DCDC1: variants seen among roughly 807,000 people sequenced by gnomAD.
The protein encoded by DCDC1 is doublecortin domain-containing protein 1.
Under a neutral mutation model 178.3 loss-of-function variants are expected in DCDC1, and 200 were observed. The ratio of observed to expected loss-of-function variants is 1.12; its 90% confidence interval spans 1.00 to 1.26. DCDC1 has a LOEUF of 1.26. DCDC1 is among the 50% of genes most tolerant of loss of function. The pLI is 0.00. For missense variants in DCDC1, 1,983 were observed against 1,749.2 expected (o/e 1.13, Z -2.38); for synonymous variants, 690 against 604.8 (o/e 1.14, Z -2.07).
At chr11:31,266,687 C>T (rs1945189941) in intron 7 of DCDC1, among the ~76,000 whole-genome samples, 2 of 152,082 alleles carry the variant, frequency 1.3e-5, no homozygotes, top group African/African-American at 4.8e-5. Context: ...TTTCAGTTGC[C>T]GATACTACCT....
chr11:31,089,829 A>G (rs1227570071), intron 17 of DCDC1, among the ~76,000 whole-genome samples: 1 of 152,086 alleles, frequency 6.6e-6, no homozygotes, highest in Non-Finnish European at 1.5e-5. Flanking sequence ...TCTTTCCTCT[A>G]GCTTCTTGAA....
At chr11:30,970,947 C>T (rs1439353932) in intron 20 of DCDC1, among the ~76,000 whole-genome samples, 1 of 152,182 alleles carries the variant, frequency 6.6e-6, no homozygotes. Flanking sequence ...ACCATTGGCA[C>T]CTGAGCACTC....
intron 20 of DCDC1, among the ~76,000 whole-genome samples, chr11:30,978,779 A>AACACACACACACACAC (rs56058117): frequency 1.7e-5 from 2 of 119,028 alleles, no homozygotes; most frequent in African/African-American, 7.5e-5. Flanking sequence ...GTCCCCCCTC[A>AACACACACACACACAC]ACACACACAC....
At chr11:30,883,607 T>A (rs1324099706) in intron 36 of DCDC1, 1 of 255,198 alleles carries the variant, frequency 3.9e-6, no homozygotes. Flanking sequence ...GGAGAAAAAT[T>A]CAGTTATATT....
chr11:31,077,013 T>C (rs1956904075), intron 18 of DCDC1, among the ~76,000 whole-genome samples: 1 of 152,204 alleles, frequency 6.6e-6, no homozygotes, highest in South Asian at 2.1e-4. Flanking sequence ...GAGCTTGTTT[T>C]CCTTCTTGGA....
intron 36 of DCDC1, chr11:30,883,553 A>G: frequency 2.5e-6 from 1 of 397,574 alleles, no homozygotes; most frequent in Non-Finnish European, 5.1e-6. Context: ...CAATATGACT[A>G]AGATTTAAAT....
At chr11:30,973,512 A>ATAAAGTGG (rs1949929295) in intron 20 of DCDC1, among the ~76,000 whole-genome samples, 1 of 152,160 alleles carries the variant, frequency 6.6e-6, no homozygotes, top group Non-Finnish European at 1.5e-5. Context: ...CAAGAAACTC[A>ATAAAGTGG]CTTTATCTAT....
intron 20 of DCDC1, among the ~76,000 whole-genome samples, chr11:30,983,328 G>C (rs956628845): frequency 6.6e-6 from 1 of 152,100 alleles, no homozygotes; most frequent in African/African-American, 2.4e-5. Context: ...ATTGCTTCTG[G>C]ATGAAAGTGC....
At chr11:31,072,772 T>C (rs763007027) in intron 18 of DCDC1, among the ~76,000 whole-genome samples, 1 of 152,076 alleles carries the variant, frequency 6.6e-6, no homozygotes, top group Non-Finnish European at 1.5e-5. Flanking sequence ...AGCTTGTTCA[T>C]TATTATTATC....
intron 9 of DCDC1, among the ~76,000 whole-genome samples, chr11:31,143,022 C>T (rs1964020174): frequency 6.6e-6 from 1 of 151,990 alleles, no homozygotes; most frequent in Non-Finnish European, 1.5e-5. Context: ...ACAAACTGTA[C>T]TAGACATTTT....
chr11:31,191,986 G>A (rs556962920), intron 9 of DCDC1, among the ~76,000 whole-genome samples: 1 of 152,138 alleles, frequency 6.6e-6, no homozygotes, highest in East Asian at 1.9e-4. Context: ...ACCTCAGTAA[G>A]CAGATAGGCT....
chr11:31,310,673 G>A (rs1472965863), intron 3 of DCDC1, among the ~76,000 whole-genome samples: 1 of 152,016 alleles, frequency 6.6e-6, no homozygotes. Flanking sequence ...TTCATAGCTT[G>A]TTAGGTGTTG....
intron 9 of DCDC1, among the ~76,000 whole-genome samples, chr11:31,162,811 T>C (rs948448994): frequency 2.6e-5 from 4 of 152,216 alleles, no homozygotes; most frequent in African/African-American, 9.6e-5. Context: ...AAATTATAGA[T>C]ATATTCCCTA....
At chr11:31,213,122 TCTCTCTCTCTCTCTC>T (rs1565442185) in intron 9 of DCDC1, among the ~76,000 whole-genome samples, 5 of 126,270 alleles carry the variant, frequency 4.0e-5, no homozygotes, top group Non-Finnish European at 6.8e-5. Flanking sequence ...TCTCTCTCTC[TCTCTCTCTCTCTCTC>T]TCTCTCTCTC....
At chr11:31,267,323 T>C (rs978515962) in intron 7 of DCDC1, among the ~76,000 whole-genome samples, 3 of 152,162 alleles carry the variant, frequency 2.0e-5, no homozygotes, top group Admixed American at 6.5e-5. Flanking sequence ...CCCAGGTAGC[T>C]GGGATTACAG....
rs775793487 is a variant in DCDC1, at chr11:31,103,701, A to G, written c.1820T>C (p.Met607Thr). The G allele has an allele frequency of 2.6e-6, 2 of 765,896 alleles. No homozygotes were observed. Among genetic ancestry groups the G allele is most frequent in the African/African-American group, 1.7e-5 (1 of 59,272 alleles). 47.4% of individuals were successfully genotyped at this position (765,896 alleles called of 1,614,324 possible). Reference sequence around the variant, plus strand: ...ATCCAAAAAGGTCTTATATGCAACCATGATATCACCTCTGGCAAATGCACT... The same window carrying G: ...ATCCAAAAAGGTCTTATATGCAACCGTGATATCACCTCTGGCAAATGCACT... ...RVSAFARGDI[M>T]VAYKTFLDPN... Residue 607 changes from methionine (M) to threonine (T), a missense_variant, in exon 14 of 39, where the codon ATG becomes ACG. Met to Thr is a moderately conservative substitution (Grantham distance 81). Transcript: ENST00000684477.
intron 8 of DCDC1, among the ~76,000 whole-genome samples, chr11:31,250,706 G>A (rs1435968894): frequency 2.6e-5 from 4 of 151,396 alleles, no homozygotes; most frequent in Admixed American, 1.3e-4. Context: ...ACTAGACCTA[G>A]ACCCTCTCTC....
At chr11:30,898,545 A>T (rs1944409053) in intron 34 of DCDC1, among the ~76,000 whole-genome samples, 1 of 152,178 alleles carries the variant, frequency 6.6e-6, no homozygotes, top group Non-Finnish European at 1.5e-5. Flanking sequence ...ACCTGGGTAG[A>T]TGGTAGTAGA....
chr11:31,016,669 C>T (rs545446366), intron 20 of DCDC1, among the ~76,000 whole-genome samples: 2 of 152,108 alleles, frequency 1.3e-5, no homozygotes, highest in Non-Finnish European at 2.9e-5. Context: ...CCTGCAAAGG[C>T]CTATAGGCTT....
Sources: allele counts gnomAD v4.1 joint callset (sites outside exome capture counted in the v4.1 genomes callset), GRCh38; gene constraint gnomAD v4.1.1; transcripts MANE v1.5; gene names NCBI Gene and HGNC (gene_info 2026-07-23, HGNC 2026-07-21).